PTPRD: variants seen among roughly 807,000 people sequenced by gnomAD.
The protein encoded by PTPRD is receptor-type tyrosine-protein phosphatase delta.
In PTPRD, 34 loss-of-function variants were observed where a neutral mutation model predicts 214.5. That is an observed-to-expected ratio of 0.16 (90% CI 0.12 to 0.21). The LOEUF is 0.21. Ranked by LOEUF, PTPRD falls within the 10% of genes least tolerant of loss-of-function variation. PTPRD has a pLI of 1.00. For missense variants in PTPRD, 2,545 were observed against 2,398.7 expected (o/e 1.06, Z -1.27); for synonymous variants, 1,128 against 845.7 (o/e 1.33, Z -5.79).
At chr9:9,742,332 C>T (rs550563302) in intron 6 of PTPRD, among the ~76,000 whole-genome samples, 21 of 152,116 alleles carry the variant, frequency 1.4e-4, no homozygotes, top group East Asian at 3.9e-4. Flanking sequence ...TGTTCTTCAG[C>T]GCATTCCAAG....
intron 32 of PTPRD, among the ~76,000 whole-genome samples, chr9:8,462,677 T>C (rs1432705641): frequency 1.3e-5 from 2 of 151,880 alleles, no homozygotes; most frequent in Non-Finnish European, 2.9e-5. Context: ...AGGCCCCCAC[T>C]TGAATACTGC....
chr9:9,062,845 G>T (rs377096041), intron 10 of PTPRD, among the ~76,000 whole-genome samples: 1 of 152,090 alleles, frequency 6.6e-6, no homozygotes, highest in African/African-American at 2.4e-5. Context: ...TGCCATCCCA[G>T]GCAGCTCGTA....
chr9:8,547,256 C>G (rs2080455242), intron 14 of PTPRD, among the ~76,000 whole-genome samples: 2 of 151,838 alleles, frequency 1.3e-5, no homozygotes, highest in South Asian at 4.2e-4. Flanking sequence ...AAACCAAAAA[C>G]AATAAACTTA....
At chr9:10,352,089 T>A (rs142066739) in intron 2 of PTPRD, among the ~76,000 whole-genome samples, 1 of 152,076 alleles carries the variant, frequency 6.6e-6, no homozygotes. Context: ...ATCTCTGGAC[T>A]CTGCTTGTAG....
intron 33 of PTPRD, among the ~76,000 whole-genome samples, chr9:8,458,746 T>C (rs2096287589): frequency 6.6e-6 from 1 of 152,020 alleles, no homozygotes; most frequent in South Asian, 2.1e-4. Context: ...TAAAATACAA[T>C]GGGTTCCTTA....
intron 4 of PTPRD, among the ~76,000 whole-genome samples, chr9:10,028,752 T>C (rs899269375): frequency 6.6e-6 from 1 of 152,204 alleles, no homozygotes; most frequent in South Asian, 2.1e-4. Context: ...TTGGGTGCTG[T>C]TAAAGGCATT....
In PTPRD at chr9:8,504,285, T is replaced by C; in HGVS notation, c.1798A>G (p.Ile600Val). ...CTTGACTGCATGGTTCTAGCTGATA[T>C]TTCTGCAGTAGAAGCACCCAGGCCT... ...PQGLGASTAE[I>V]SARTMQSKPS... Residue 600 changes from isoleucine (I) to valine (V), a missense_variant, in exon 23 of 46, where the codon ATA (isoleucine) becomes GTA (valine). By Grantham distance (29) the Ile-to-Val change is conservative (BLOSUM62 3). Coordinates refer to ENST00000381196, the MANE Select transcript of PTPRD (RefSeq NM_002839.4). 1 of 1,614,166 alleles carries C rather than the reference T, an allele frequency of 6.2e-7. No homozygotes were observed. The highest frequency in any genetic ancestry group is 1.7e-5 in the Admixed American group (1 of 60,016).
intron 2 of PTPRD, among the ~76,000 whole-genome samples, chr9:10,501,992 T>C (rs1379288454): frequency 6.6e-6 from 1 of 151,942 alleles, no homozygotes; most frequent in Non-Finnish European, 1.5e-5. Context: ...CAGGAGATTC[T>C]AGTGTACAGA....
At chr9:9,134,747 T>A (rs1474993442) in intron 10 of PTPRD, among the ~76,000 whole-genome samples, 1 of 152,194 alleles carries the variant, frequency 6.6e-6, no homozygotes, top group Non-Finnish European at 1.5e-5. Context: ...TTCTTATTTC[T>A]TTATTGCATG....
intron 11 of PTPRD, chr9:8,861,946 A>G (rs566451255): frequency 6.6e-6 from 1 of 152,350 alleles, no homozygotes; most frequent in African/African-American, 2.4e-5. Flanking sequence ...CAGTCCTCAA[A>G]TAACAATATT....
chr9:8,545,340 C>T (rs2079764295), intron 14 of PTPRD, among the ~76,000 whole-genome samples: 1 of 152,140 alleles, frequency 6.6e-6, no homozygotes, highest in Non-Finnish European at 1.5e-5. Context: ...GAACCTGTAA[C>T]AGAGTTAATC....
intron 6 of PTPRD, among the ~76,000 whole-genome samples, chr9:9,759,065 A>T (rs1176422063): frequency 6.6e-6 from 1 of 152,144 alleles, no homozygotes. Flanking sequence ...ACTTTTTATC[A>T]AACCAATTTT....
At chr9:10,589,885 A>G (rs994250370) in intron 2 of PTPRD, among the ~76,000 whole-genome samples, 4 of 152,146 alleles carry the variant, frequency 2.6e-5, no homozygotes, top group African/African-American at 9.7e-5. Flanking sequence ...TGTTTTACAG[A>G]AGGCTAAGAA....
At chr9:9,131,237 G>A (rs1427990618) in intron 10 of PTPRD, among the ~76,000 whole-genome samples, 1 of 152,116 alleles carries the variant, frequency 6.6e-6, no homozygotes, top group African/African-American at 2.4e-5. Context: ...AATTAAGTCT[G>A]ATTTCAATTT....
At chr9:9,839,220 G>T (rs958617563) in intron 5 of PTPRD, among the ~76,000 whole-genome samples, 23 of 152,098 alleles carry the variant, frequency 1.5e-4, no homozygotes, top group African/African-American at 5.1e-4. Flanking sequence ...GGCAGGAGAA[G>T]GAAATACAGG....
At chr9:9,099,489 C>G (rs16928928) in intron 10 of PTPRD, among the ~76,000 whole-genome samples, 2,824 of 152,166 alleles carry the variant, frequency 0.019, 84 homozygotes, top group African/African-American at 0.064. Context: ...TTATGCCTGC[C>G]TGGGTGTGTT....
chr9:8,911,691 A>AT (rs957487084), intron 11 of PTPRD, among the ~76,000 whole-genome samples: 8 of 152,072 alleles, frequency 5.3e-5, no homozygotes, highest in African/African-American at 1.7e-4. Flanking sequence ...GCAAAATTTA[A>AT]TTTTTTTTCT....
At chr9:8,321,499 A>G (rs1303368664) in intron 44 of PTPRD, among the ~76,000 whole-genome samples, 61 of 84,346 alleles carry the variant, frequency 7.2e-4, no homozygotes, top group African/African-American at 1.4e-3. Flanking sequence ...ATATATATAT[A>G]TATATATATA....
At chr9:8,341,013 A>C in intron 41 of PTPRD, 77 bp downstream of exon 41, 1 of 1,367,106 alleles carries the variant, frequency 7.3e-7, no homozygotes, top group South Asian at 1.7e-5. Context: ...AATGGAGATG[A>C]AATTTATTCT....
Sources: gnomAD v4.1 joint callset for allele counts (sites outside exome capture counted in the v4.1 genomes callset) on GRCh38, gnomAD v4.1.1 for gene constraint, MANE v1.5 for transcripts, NCBI Gene and HGNC (gene_info 2026-07-23, HGNC 2026-07-21) for gene names.